Variants in MCCC1 observed in about 807,000 individuals in gnomAD.
MCCC1 encodes methylcrotonyl-CoA carboxylase subunit 1, also known as methylcrotonoyl-CoA carboxylase subunit alpha, mitochondrial.
A neutral mutation model predicts 83.8 loss-of-function variants in MCCC1; 64 were observed. The ratio of observed to expected loss-of-function variants is 0.76; its 90% CI spans 0.62 to 0.94. MCCC1 has a LOEUF of 0.94. Ranked by LOEUF, MCCC1 falls within the 40% of genes least tolerant of loss-of-function variation. MCCC1 has a pLI of 0.00. For synonymous variants in MCCC1, 322 were observed against 315.4 expected, an observed-to-expected ratio of 1.02 and a Z score of -0.22; for missense variants, 807 against 904.7, an observed-to-expected ratio of 0.89 and a Z score of 1.39.
chr3:183,066,367 C>T (rs1379962173), intron 7 of MCCC1, among the ~76,000 whole-genome samples: 1 of 152,164 alleles, frequency 6.6e-6, no homozygotes, highest in Non-Finnish European at 1.5e-5. Context: ...TGCAGTGGCA[C>T]AATCTCAGTT....
At position 183,015,407 on chromosome 3, in the gene MCCC1, A is replaced by T; in HGVS notation, c.*31T>A. 6.2e-7 allele frequency: 1 copy of T among 1,613,680 alleles called. No homozygotes were observed. The highest frequency in any genetic ancestry group is 1.3e-5 in the African/African-American group (1 of 74,942). ...CCTCTTTTTGGTGGAGAGAGAAGACACTACTTAACTGGCCATTTCCTTGCT... is the reference window on the plus strand; with the variant it reads ...CCTCTTTTTGGTGGAGAGAGAAGACTCTACTTAACTGGCCATTTCCTTGCT... On this transcript the variant is annotated 3_prime_UTR_variant, in exon 19 of 19. Transcript: ENST00000265594.
At chr3:183,101,851 C>G (rs1305615286), upstream of MCCC1, among the ~76,000 whole-genome samples, 1 of 152,072 alleles carries the variant, frequency 6.6e-6, no homozygotes, top group African/African-American at 2.4e-5. Flanking sequence ...AGCGAGACCA[C>G]GAGCCCACCG....
chr3:183,029,363 C>T (rs1172060900), intron 14 of MCCC1, among the ~76,000 whole-genome samples: 6 of 152,138 alleles, frequency 3.9e-5, no homozygotes, highest in African/African-American at 9.7e-5. Flanking sequence ...TGACTTAAGA[C>T]GAACATGGCG....
rs531206828 is a variant in MCCC1 at position 183,109,265 on chromosome 3, T to C, written c.-102+6209A>G. 2.6e-5 allele frequency among the ~76,000 whole-genome samples: 4 copies of C among 152,274 alleles called. No individual in the cohort carries two copies. In the South Asian group the frequency reaches 8.3e-4, roughly 32 times the overall value. ...CCTCGACCTCCGAAAGTGCTGGGAT[T>C]ACAGGCGTGAGCCACCGTGCCTGGC... On this transcript the variant is annotated intron_variant, in intron 1 of 17. Coordinates refer to the MCCC1 transcript ENST00000492597.
chr3:183,105,120 G>A (rs1042150229), intron 1 of MCCC1, among the ~76,000 whole-genome samples: 3 of 152,196 alleles, frequency 2.0e-5, no homozygotes, highest in East Asian at 3.8e-4. Context: ...CGAGGCAGGC[G>A]ACTCACCTGA....
At chr3:183,074,843 T>C (rs1716949190) in intron 4 of MCCC1, among the ~76,000 whole-genome samples, 1 of 152,200 alleles carries the variant, frequency 6.6e-6, no homozygotes, top group Admixed American at 6.5e-5. Context: ...TATTCAATAG[T>C]TATCTTTTCT....
intron 2 of MCCC1, among the ~76,000 whole-genome samples, chr3:183,093,662 T>TA (rs34962125): frequency 2.3e-3 from 342 of 146,886 alleles, no homozygotes; most frequent in African/African-American, 6.1e-3. Context: ...TTTCTCCTTT[T>TA]AAAAAAAAAA....
At chr3:183,036,342 A>G (rs953472069) in intron 13 of MCCC1, among the ~76,000 whole-genome samples, 14 of 152,064 alleles carry the variant, frequency 9.2e-5, no homozygotes, top group African/African-American at 3.4e-4. Context: ...TAATTCGACA[A>G]TAAGTCATGG....
intron 2 of MCCC1, 104 bp downstream of exon 2, chr3:183,094,455 A>G: frequency 9.0e-7 from 1 of 1,113,010 alleles, no homozygotes; most frequent in East Asian, 2.5e-5. Flanking sequence ...AAAATTTATG[A>G]TAACTAATTC....
chr3:183,045,584 A>G (rs771447306), intron 9 of MCCC1, 44 bp from the exon 10 acceptor site: 2 of 1,608,180 alleles, frequency 1.2e-6, no homozygotes, highest in Non-Finnish European at 1.7e-6. Flanking sequence ...GTGTATAATC[A>G]GTAGCAAACC....
chr3:183,079,705 G>A (rs961229725), intron 4 of MCCC1, among the ~76,000 whole-genome samples: 18 of 152,348 alleles, frequency 1.2e-4, no homozygotes, highest in African/African-American at 3.8e-4. Context: ...GGGACTCTGT[G>A]TGGGGGCTCT....
chr3:183,082,996 A>G (rs1438667983), intron 4 of MCCC1, among the ~76,000 whole-genome samples: 2 of 152,184 alleles, frequency 1.3e-5, no homozygotes, highest in African/African-American at 2.4e-5. Context: ...TCTTAAAAAA[A>G]AAAGGCTAGC....
At chr3:183,112,293 A>G (rs1719508305) in intron 1 of MCCC1, among the ~76,000 whole-genome samples, 1 of 152,218 alleles carries the variant, frequency 6.6e-6, no homozygotes, top group Non-Finnish European at 1.5e-5. Context: ...TCACATAACA[A>G]GGACAGAAGG....
chr3:183,087,870 A>C (rs1289546316), intron 3 of MCCC1, among the ~76,000 whole-genome samples: 7 of 118,312 alleles, frequency 5.9e-5, no homozygotes, highest in Non-Finnish European at 9.7e-5. Flanking sequence ...ACTCCTTCTC[A>C]AAAAAAAAAA....
At chr3:183,094,048 CTTTTTT>C (rs1301777122) in intron 2 of MCCC1, among the ~76,000 whole-genome samples, 1 of 135,634 alleles carries the variant, frequency 7.4e-6, no homozygotes, top group African/African-American at 2.7e-5. Flanking sequence ...TTTATTTTTA[CTTTTTT>C]TTTTTTTTTT....
At chr3:183,044,147 G>A (rs1032158602) in intron 10 of MCCC1, among the ~76,000 whole-genome samples, 3 of 152,066 alleles carry the variant, frequency 2.0e-5, no homozygotes, top group Non-Finnish European at 4.4e-5. Context: ...AGATTTTGGC[G>A]TCACACCAGG....
At chr3:183,104,418 A>G (rs1719374976), upstream of MCCC1, among the ~76,000 whole-genome samples, 1 of 152,182 alleles carries the variant, frequency 6.6e-6, no homozygotes, top group Non-Finnish European at 1.5e-5. Context: ...GTGCCCAGCC[A>G]GAGAAAGCTT....
intron 15 of MCCC1, among the ~76,000 whole-genome samples, chr3:183,024,660 G>A (rs1466204733): frequency 6.6e-6 from 1 of 151,666 alleles, no homozygotes; most frequent in Admixed American, 6.6e-5. Context: ...GTAGTGGCAA[G>A]GAAGTGAAGA....
At chr3:183,054,940 C>A (rs1035278988) in intron 8 of MCCC1, among the ~76,000 whole-genome samples, 2 of 152,110 alleles carry the variant, frequency 1.3e-5, no homozygotes, top group African/African-American at 4.8e-5. Context: ...GCAATGGGCT[C>A]TACCAGCAGC....
Sources: allele counts gnomAD v4.1 joint callset (sites outside exome capture counted in the v4.1 genomes callset), GRCh38; gene constraint gnomAD v4.1.1; transcripts MANE v1.5; gene names NCBI Gene and HGNC (gene_info 2026-07-23, HGNC 2026-07-21).